The following HIPK2 variants were observed in gnomAD, a reference collection of about 807,000 sequenced individuals.
HIPK2 encodes homeodomain-interacting protein kinase 2.
A neutral mutation model predicts 113.7 loss-of-function variants in HIPK2; 27 were observed. The observed-to-expected ratio is 0.24, with a 90% CI of 0.17 to 0.33. The LOEUF (loss-of-function observed/expected upper bound fraction) is 0.33. Among genes scored for constraint, HIPK2 ranks in the 10% least tolerant of loss-of-function variants. The pLI is 1.00. For missense variants in HIPK2, 1,257 were observed against 1,588.0 expected, an observed-to-expected ratio of 0.79 and a Z score of 3.54; for synonymous variants, 631 against 642.2, an observed-to-expected ratio of 0.98 and a Z score of 0.26.
At chr7:139,739,045 C>T (rs1173476712) in intron 1 of HIPK2, among the ~76,000 whole-genome samples, 2 of 152,176 alleles carry the variant, frequency 1.3e-5, no homozygotes, top group Non-Finnish European at 2.9e-5. Context: ...TGACTTCTTT[C>T]CATCTGACCT....
At chr7:139,653,566 A>C (rs1381409966) in intron 2 of HIPK2, among the ~76,000 whole-genome samples, 2 of 151,776 alleles carry the variant, frequency 1.3e-5, no homozygotes, top group African/African-American at 4.8e-5. Context: ...TGAGCAAAGG[A>C]AATCAGCTTC....
intron 12 of HIPK2, among the ~76,000 whole-genome samples, chr7:139,586,402 C>T (rs532281479): frequency 6.6e-5 from 10 of 152,260 alleles, no homozygotes; most frequent in African/African-American, 2.4e-4. Flanking sequence ...GTAGAAACGA[C>T]CCGAGTGTCC....
intron 2 of HIPK2, among the ~76,000 whole-genome samples, chr7:139,648,786 C>A (rs1294263201): frequency 1.3e-5 from 2 of 151,196 alleles, no homozygotes; most frequent in Non-Finnish European, 1.5e-5. Flanking sequence ...GAGGGTGCTG[C>A]GGGTTTTTTT....
intron 2 of HIPK2, among the ~76,000 whole-genome samples, chr7:139,669,748 G>A (rs1432733048): frequency 6.6e-6 from 1 of 152,156 alleles, no homozygotes; most frequent in Non-Finnish European, 1.5e-5. Flanking sequence ...ATTACGCTAG[G>A]CTACATCAAT....
intron 1 of HIPK2, among the ~76,000 whole-genome samples, chr7:139,721,173 C>T (rs1475236842): frequency 1.3e-5 from 2 of 152,186 alleles, no homozygotes; most frequent in Admixed American, 6.5e-5. Flanking sequence ...TCAGTGCAGA[C>T]GTGTTACCTT....
At position 139,631,180 on chromosome 7, in the gene HIPK2, A is replaced by G. The variant is rs763453963; in HGVS notation, c.1332T>C (p.Pro444=). 6 of 1,613,056 alleles carry G rather than the reference A, an allele frequency of 3.7e-6. No individual in the cohort carries two copies. In the Admixed American group the frequency reaches 8.3e-5, roughly 22 times the overall value. ...FFNRDTDSPY[P]LWRLKTPDDH... ...CTCTTCCTACCTTCAGTCTCCACAA[A>G]GGATATGGTGAGTCCGTGTCACGGT... The change falls in exon 4 of 15, where the codon CCT becomes CCC. Residue 444 remains proline, a synonymous_variant. Coordinates refer to ENST00000406875, the MANE Select transcript of HIPK2 (RefSeq NM_022740.5). This position sits in a 1 kb window ranked among gnomAD's most constrained non-coding sequence, Gnocchi z 4.9.
At chr7:139,760,919 T>C (rs1796451544) in intron 1 of HIPK2, among the ~76,000 whole-genome samples, 1 of 152,178 alleles carries the variant, frequency 6.6e-6, no homozygotes, top group Non-Finnish European at 1.5e-5. Context: ...ATTTTCAAGA[T>C]TATAGAAGTT....
chr7:139,607,654 G>C (rs1425304437), intron 9 of HIPK2, among the ~76,000 whole-genome samples: 2 of 151,936 alleles, frequency 1.3e-5, no homozygotes, highest in East Asian at 3.9e-4. Flanking sequence ...ATATTATAAG[G>C]CTCAACTAAG....
At position 139,672,098 on chromosome 7, in the gene HIPK2, A is replaced by G. The variant is rs539471925; in HGVS notation, c.1104-40373T>C. 5.3e-5 allele frequency among the ~76,000 whole-genome samples: 8 copies of G among 152,340 alleles called. No individual in the cohort carries two copies. In the East Asian group the frequency reaches 1.5e-3, roughly 29 times the overall value. The stretch of plus-strand genomic sequence containing the variant: ...CTATAGCTTACTCATTCATTGTTCA[A>G]TATTTATCTAGTGACCACAGTGTAT... On this transcript the variant is annotated intron_variant, in intron 2 of 14. Transcript: ENST00000406875.
chr7:139,757,210 T>C (rs904610000), intron 1 of HIPK2, among the ~76,000 whole-genome samples: 1 of 152,168 alleles, frequency 6.6e-6, no homozygotes, highest in Admixed American at 6.5e-5. Context: ...AAACCACATA[T>C]CAGTCAAAAC....
rs985733451 is a variant in HIPK2, at chr7:139,777,757, GC to G, written c.-135del. On this transcript the variant is annotated 5_prime_UTR_variant, in exon 1 of 15. It introduces an in-frame stop codon into an upstream open reading frame of the 5' UTR. Coordinates refer to ENST00000406875, the MANE Select transcript of HIPK2 (RefSeq NM_022740.5). ...TCTCGGCGCAGCCGAGGCCGCCCGCGCCCGCATCACCGCCTCCCGTGGCCGG... is the reference window on the plus strand; with the variant it reads ...TCTCGGCGCAGCCGAGGCCGCCCGCGCCGCATCACCGCCTCCCGTGGCCGG... The G allele has an allele frequency of 2.4e-6, 2 of 843,060 alleles. No homozygotes were observed. The highest frequency in any genetic ancestry group is 6.2e-5 in the Admixed American group (1 of 16,200). 52.2% of individuals were successfully genotyped at this position (843,060 alleles called of 1,614,324 possible).
intron 12 of HIPK2, among the ~76,000 whole-genome samples, chr7:139,584,384 C>A (rs1277118363): frequency 6.6e-6 from 1 of 152,174 alleles, no homozygotes; most frequent in African/African-American, 2.4e-5. Flanking sequence ...AGGGGAGGCA[C>A]CTGCAGCCCA....
chr7:139,610,743 A>G (rs1308978150), intron 9 of HIPK2, among the ~76,000 whole-genome samples: 1 of 152,232 alleles, frequency 6.6e-6, no homozygotes, highest in Non-Finnish European at 1.5e-5. Context: ...CTTTTATGTA[A>G]CAAAGTTGTG....
rs994400534 is a variant in HIPK2, at chr7:139,698,974, G to A, written c.1103+16958C>T. Among the ~76,000 whole-genome samples, 4 of 152,272 alleles carry A rather than the reference G, an allele frequency of 2.6e-5. No individual in the cohort carries two copies. In the South Asian group the frequency reaches 8.3e-4, roughly 32 times the overall value. On this transcript the variant is annotated intron_variant, in intron 2 of 14. Coordinates refer to ENST00000406875, the MANE Select transcript of HIPK2 (RefSeq NM_022740.5). Reference sequence around the variant, plus strand: ...CAGAGTGCCCAAAGAAAGATGAATAGAGAAATGAAACCTGAGTAGGACCTT... The same window carrying A: ...CAGAGTGCCCAAAGAAAGATGAATAAAGAAATGAAACCTGAGTAGGACCTT...
Position 139,665,170 on chromosome 7 carries a change from G to A in HIPK2, c.1104-33445C>T, listed in dbSNP as rs143948561. Among the ~76,000 whole-genome samples the A allele has an allele frequency of 7.2e-5, 11 of 152,044 alleles. No homozygotes were observed. In the East Asian group the frequency reaches 1.7e-3, roughly 24 times the overall value. On this transcript the variant is annotated intron_variant, in intron 2 of 14. Coordinates refer to ENST00000406875, the MANE Select transcript of HIPK2 (RefSeq NM_022740.5). ...CTCCCACCTCAGCCTCCTGAGTAGC[G>A]GGGACTGCAGTTGCATGCCACTATG...
chr7:139,721,211 C>T (rs575686401), intron 1 of HIPK2, among the ~76,000 whole-genome samples: 7 of 152,336 alleles, frequency 4.6e-5, no homozygotes, highest in African/African-American at 1.7e-4. Context: ...CACTTTGCTT[C>T]AGGCAGCAAA....
chr7:139,724,961 T>A lies in HIPK2; in HGVS notation c.20-7946A>T, dbSNP rs1013198331. On this transcript the variant is annotated intron_variant, in intron 1 of 14. Coordinates refer to ENST00000406875, the MANE Select transcript of HIPK2 (RefSeq NM_022740.5). ...ACTATGCAGCCATACAGAATTCTTT[T>A]GTCAATAATGACAATAACAATACTA... Among the ~76,000 whole-genome samples, 35 of 152,156 alleles carry A rather than the reference T, an allele frequency of 2.3e-4. 1 individual carries two copies. The highest frequency in any genetic ancestry group is 1.3e-4 in the Admixed American group (2 of 15,270).
At position 139,602,789 on chromosome 7, in the gene HIPK2, G is replaced by A. The variant is rs1481992980; in HGVS notation, c.2255+1292C>T. Among the ~76,000 whole-genome samples, 3 of 152,194 alleles carry A rather than the reference G, an allele frequency of 2.0e-5. No homozygotes were observed. The East Asian group carries it at 5.8e-4, about 29-fold the overall frequency. ...TGTACCGGGCACTGCGATGGTGCAT[G>A]TTAAATATAGGCCAAGTGCTTTGTA... On this transcript the variant is annotated intron_variant, in intron 10 of 14. Transcript: ENST00000406875.
rs548068345 is a variant in HIPK2 at position 139,627,231 on chromosome 7, G to A, written c.1435-446C>T. Among the ~76,000 whole-genome samples the A allele has an allele frequency of 4.5e-4, 69 of 152,250 alleles. 1 individual carries two copies. Among genetic ancestry groups the A allele is most frequent in the African/African-American group, 1.3e-3 (56 of 41,536 alleles). Reference sequence around the variant, plus strand: ...GCTAAGATGATAAATTTTATGCTATGTGTGTGTTTGCCACAATTTTTAAAA... The same window carrying A: ...GCTAAGATGATAAATTTTATGCTATATGTGTGTTTGCCACAATTTTTAAAA... On this transcript the variant is annotated intron_variant, in intron 5 of 14. Coordinates refer to ENST00000406875, the MANE Select transcript of HIPK2 (RefSeq NM_022740.5).
Sources: gnomAD v4.1 joint callset for allele counts (sites outside exome capture counted in the v4.1 genomes callset) on GRCh38, gnomAD v4.1.1 for gene constraint, Gnocchi (gnomAD v3.1) non-coding constraint, MANE v1.5 for transcripts, NCBI Gene and HGNC (gene_info 2026-07-23, HGNC 2026-07-21) for gene names.